The following TMEM120B variants were observed in gnomAD, a reference collection of about 807,000 sequenced individuals.
The protein encoded by TMEM120B is transmembrane protein 120B.
A neutral mutation model predicts 55.5 loss-of-function variants in TMEM120B; 31 were observed. That is an observed-to-expected ratio of 0.56 (90% CI 0.42 to 0.75). The LOEUF is 0.75. Among genes scored for constraint, TMEM120B ranks in the 30% least tolerant of loss-of-function variants. The probability of loss-of-function intolerance (pLI) is 0.00; values close to 1 mark genes in which losing one functional copy is unlikely to be tolerated. For synonymous variants in TMEM120B, 203 were observed against 176.3 expected, an observed-to-expected ratio of 1.15 and a Z score of -1.20; for missense variants, 399 against 425.5, an observed-to-expected ratio of 0.94 and a Z score of 0.55.
At chr12:121,755,511 G>A (rs1873451846) in intron 5 of TMEM120B, among the ~76,000 whole-genome samples, 1 of 152,252 alleles carries the variant, frequency 6.6e-6, no homozygotes, top group African/African-American at 2.4e-5. Flanking sequence ...GGTAGTCAGA[G>A]TTAATTTTGG....
chr12:121,725,242 C>G (rs1294603844), intron 1 of TMEM120B, among the ~76,000 whole-genome samples: 1 of 152,046 alleles, frequency 6.6e-6, no homozygotes, highest in Non-Finnish European at 1.5e-5. Flanking sequence ...TCTATCAGTG[C>G]CCCCAGCACT....
chr12:121,769,006 TGTG>T (rs1400511132), intron 6 of TMEM120B, among the ~76,000 whole-genome samples: 1 of 151,642 alleles, frequency 6.6e-6, no homozygotes, highest in African/African-American at 2.4e-5. Flanking sequence ...ATTAGCCAGG[TGTG>T]GTGGCAGGCG....
intron 6 of TMEM120B, 94 bp downstream of exon 6, chr12:121,761,832 A>G (rs1229755819): frequency 7.4e-6 from 7 of 942,172 alleles, no homozygotes; most frequent in Non-Finnish European, 1.2e-5. Context: ...CTCAGGCTGC[A>G]TTCCTCTCCT....
intron 2 of TMEM120B, among the ~76,000 whole-genome samples, chr12:121,744,947 C>T (rs1304898600): frequency 6.6e-6 from 1 of 152,156 alleles, no homozygotes; most frequent in Non-Finnish European, 1.5e-5. Context: ...AATGGCAGGG[C>T]TCAGAGTCTA....
intron 1 of TMEM120B, among the ~76,000 whole-genome samples, chr12:121,731,682 A>C (rs1895006527): frequency 6.6e-6 from 1 of 152,212 alleles, no homozygotes; most frequent in African/African-American, 2.4e-5. Context: ...CTAATAATGC[A>C]TTTCTTAGAA....
In TMEM120B at chr12:121,780,902, G is replaced by A. The variant is rs549153446; in HGVS notation, c.*5180G>A. 53 of 1,613,770 alleles carry A rather than the reference G, an allele frequency of 3.3e-5. No individual in the cohort carries two copies. Among genetic ancestry groups the A allele is most frequent in the East Asian group, 4.5e-5 (2 of 44,876 alleles). On this transcript the variant is annotated 3_prime_UTR_variant, in exon 12 of 12. Transcript: ENST00000449592. The stretch of plus-strand genomic sequence containing the variant: ...TGTAGGTGATGGGCTCCAGCTGGGC[G>A]GCCCGGAGCTTCCGCAGCTGCTCCT...
At chr12:121,770,813 G>C (rs1489804913) in intron 6 of TMEM120B, 94 bp from the exon 7 acceptor site, 31 of 1,175,108 alleles carry the variant, frequency 2.6e-5, no homozygotes, top group Non-Finnish European at 1.3e-6. Flanking sequence ...TCTGAGTGCA[G>C]AGTAACCCCT....
At chr12:121,730,992 T>G (rs1894992648) in intron 1 of TMEM120B, among the ~76,000 whole-genome samples, 1 of 151,868 alleles carries the variant, frequency 6.6e-6, no homozygotes, top group South Asian at 2.1e-4. Flanking sequence ...TACTGTATGA[T>G]TCCACTTACA....
rs527935438 is a variant in TMEM120B at position 121,716,047 on chromosome 12, A to G, written c.69+3083A>G. Among the ~76,000 whole-genome samples, 4 of 150,198 alleles carry G rather than the reference A, an allele frequency of 2.7e-5. No homozygotes were observed. In the East Asian group the frequency reaches 7.8e-4, roughly 29 times the overall value. ...ATTGGCTCATACCTGTAATCTCAGCACTTTGGGAGGACAAGTTGGGAGGAC... is the reference window on the plus strand; with the variant it reads ...ATTGGCTCATACCTGTAATCTCAGCGCTTTGGGAGGACAAGTTGGGAGGAC... On this transcript the variant is annotated intron_variant, in intron 1 of 11. Coordinates refer to ENST00000449592, the MANE Select transcript of TMEM120B (RefSeq NM_001080825.2).
intron 1 of TMEM120B, among the ~76,000 whole-genome samples, chr12:121,730,280 A>G (rs570901687): frequency 7.9e-5 from 12 of 151,272 alleles, no homozygotes; most frequent in African/African-American, 2.9e-4. Flanking sequence ...AAAGAAGGAA[A>G]TTCTGATACA....
At chr12:121,743,404 A>C (rs1219823620) in intron 1 of TMEM120B, among the ~76,000 whole-genome samples, 1 of 151,654 alleles carries the variant, frequency 6.6e-6, no homozygotes, top group Non-Finnish European at 1.5e-5. Flanking sequence ...CCAAAAAAAA[A>C]AAAATTAGCT....
Position 121,779,487 on chromosome 12 carries a change from TCTGC to T in TMEM120B, c.*3767_*3770del. On this transcript the variant is annotated 3_prime_UTR_variant, in exon 12 of 12. Coordinates refer to ENST00000449592, the MANE Select transcript of TMEM120B (RefSeq NM_001080825.2). The stretch of plus-strand genomic sequence containing the variant: ...CCTGTCAGTGCTGTCGTGAGGTCTG[TCTGC>T]CCTGGGTCAGAGCAGCAGGCAGAGC... 6.2e-7 allele frequency: 1 copy of T among 1,610,302 alleles called. No homozygotes were observed. The highest frequency in any genetic ancestry group is 8.5e-7 in the Non-Finnish European group (1 of 1,179,874).
Position 121,775,046 on chromosome 12 carries a change from C to T in TMEM120B, c.838-16C>T. ...GGGGAGTCTGGTGGGTGAGCAGCGC[C>T]TGCCTTCCTCTCCAGTTCTGGCAGC... is the stretch of plus-strand genomic sequence containing the variant. On this transcript the variant is annotated splice_polypyrimidine_tract_variant and intron_variant, in intron 10 of 11. Coordinates refer to ENST00000449592, the MANE Select transcript of TMEM120B (RefSeq NM_001080825.2). The surrounding 1 kb of genome is among the most constrained non-coding windows in gnomAD (Gnocchi z 4.3). 1.2e-6 allele frequency: 2 copies of T among 1,613,048 alleles called. No individual in the cohort carries two copies. The highest frequency in any genetic ancestry group is 1.7e-6 in the Non-Finnish European group (2 of 1,179,790).
intron 6 of TMEM120B, among the ~76,000 whole-genome samples, chr12:121,767,425 G>T (rs1191322789): frequency 1.3e-5 from 2 of 152,246 alleles, no homozygotes; most frequent in East Asian, 3.8e-4. Context: ...CTCCCAAAGT[G>T]CTGGGATTAC....
At chr12:121,736,590 A>G (rs1592930922) in intron 1 of TMEM120B, among the ~76,000 whole-genome samples, 1 of 135,972 alleles carries the variant, frequency 7.4e-6, no homozygotes, top group Admixed American at 7.2e-5. Flanking sequence ...CCCTCTGTTG[A>G]CCAGGCTGGA....
rs1874235476 is a variant in TMEM120B, at chr12:121,776,043, C to T, written c.*321C>T. On this transcript the variant is annotated 3_prime_UTR_variant, in exon 12 of 12. Transcript: ENST00000449592. ...CTCAGGGAGCCCCTCTGTTCCCACT[C>T]CTGTCATTTGAACCCCTCTGGGTGG... is the stretch of plus-strand genomic sequence containing the variant. 6.9e-6 allele frequency: 4 copies of T among 577,862 alleles called. No individual in the cohort carries two copies. The highest frequency in any genetic ancestry group is 2.2e-5 in the South Asian group (1 of 45,326). The allele number at this position is 577,862 out of a possible 1,614,324, so 35.8% of individuals were successfully genotyped here. A position where few individuals can be genotyped will look rare whatever the true frequency, so the allele number is the denominator to read the frequency against.
intron 2 of TMEM120B, among the ~76,000 whole-genome samples, 191 bp downstream of exon 2, chr12:121,743,938 C>G (rs1379854392): frequency 6.6e-6 from 1 of 152,160 alleles, no homozygotes. Flanking sequence ...CTGCCTTCCT[C>G]TGGATTGGTG....
chr12:121,731,047 T>C (rs996776808), intron 1 of TMEM120B, among the ~76,000 whole-genome samples: 2 of 151,668 alleles, frequency 1.3e-5, no homozygotes, highest in Non-Finnish European at 2.9e-5. Flanking sequence ...GAAGACAGAA[T>C]AGTGATTGCC....
intron 5 of TMEM120B, among the ~76,000 whole-genome samples, chr12:121,753,049 A>G (rs908667582): frequency 1.2e-4 from 19 of 152,146 alleles, no homozygotes; most frequent in African/African-American, 4.6e-4. Context: ...TTGAGGCTGC[A>G]GTGAGCCATG....
Sources: allele counts gnomAD v4.1 joint callset (sites outside exome capture counted in the v4.1 genomes callset), GRCh38; gene constraint gnomAD v4.1.1; non-coding constraint Gnocchi (gnomAD v3.1); transcripts MANE v1.5; gene names NCBI Gene and HGNC (gene_info 2026-07-23, HGNC 2026-07-21).